PLAG1: variants seen among roughly 807,000 people sequenced by gnomAD.
PLAG1 encodes the protein PLAG1 zinc finger.
A neutral mutation model predicts 35.5 loss-of-function variants in PLAG1; 7 were observed. That is an observed-to-expected ratio of 0.20 (90% CI 0.11 to 0.37). PLAG1 has a LOEUF of 0.37. Among genes scored for constraint, PLAG1 ranks in the 10% least tolerant of loss-of-function variants. The pLI is 1.00. For synonymous variants in PLAG1, 229 were observed against 225.4 expected (o/e 1.02, Z -0.14); for missense variants, 454 against 602.8 (o/e 0.75, Z 2.58).
chr8:56,209,267 C>CA (rs762087565), intron 1 of PLAG1: 1 of 152,202 alleles, frequency 6.6e-6, no homozygotes, highest in Non-Finnish European at 1.5e-5. Context: ...GCTTCCAAAG[C>CA]AAAGCAATGT....
In PLAG1 at chr8:56,210,412, C is replaced by G. The variant is rs189871505; in HGVS notation, c.-322+709G>C. Among the ~76,000 whole-genome samples, 665 of 152,004 alleles carry G rather than the reference C, an allele frequency of 4.4e-3. 3 individuals are homozygous for G. Among genetic ancestry groups the G allele is most frequent in the Non-Finnish European group, 8.2e-3 (560 of 67,968 alleles). ...ATTTAGCACCCCCTCCCCCTACCCC[C>G]CCTCGCAGCCACACACCCCGGGCTC... is the stretch of plus-strand genomic sequence containing the variant. On this transcript the variant is annotated intron_variant, in intron 1 of 4. Transcript: ENST00000316981.
rs1472163494 is a variant in PLAG1, at chr8:56,161,366, AC to A, written c.*4876del. 1.9e-5 allele frequency: 4 copies of A among 215,166 alleles called. No homozygotes were observed. In the East Asian group the frequency reaches 2.8e-4, roughly 15 times the overall value. 13.3% of individuals were successfully genotyped at this position (215,166 alleles called of 1,614,324 possible). On this transcript the variant is annotated 3_prime_UTR_variant, in exon 5 of 5. Transcript: ENST00000316981. ...TTTATCATTAGAACATTTTTAGAGTACTAGTCCAAACACTTTTTCATTAGCT... is the reference window on the plus strand; with the variant it reads ...TTTATCATTAGAACATTTTTAGAGTATAGTCCAAACACTTTTTCATTAGCT...
At chr8:56,190,373 G>A (rs1585807407) in intron 1 of PLAG1, among the ~76,000 whole-genome samples, 1 of 152,318 alleles carries the variant, frequency 6.6e-6, no homozygotes, top group East Asian at 1.9e-4. Flanking sequence ...GGGAAAGCCA[G>A]GATGCTCTAA....
chr8:56,205,425 G>A (rs1463568584), intron 1 of PLAG1, among the ~76,000 whole-genome samples: 1 of 151,750 alleles, frequency 6.6e-6, no homozygotes, highest in Non-Finnish European at 1.5e-5. Flanking sequence ...GAGAAGGAAG[G>A]CAGGCTTTGG....
chr8:56,186,188 G>C (rs1292760685), intron 1 of PLAG1, among the ~76,000 whole-genome samples: 2 of 152,038 alleles, frequency 1.3e-5, no homozygotes, highest in East Asian at 3.9e-4. Flanking sequence ...AAAATTATTT[G>C]TATAATTGAC....
chr8:56,169,284 C>A (rs1811446775), intron 3 of PLAG1, among the ~76,000 whole-genome samples: 1 of 152,068 alleles, frequency 6.6e-6, no homozygotes, highest in Admixed American at 6.6e-5. Context: ...CACAACACAT[C>A]ATCAAAGAGG....
chr8:56,205,675 C>G (rs1203799873), intron 1 of PLAG1, among the ~76,000 whole-genome samples: 1 of 151,886 alleles, frequency 6.6e-6, no homozygotes, highest in Admixed American at 6.6e-5. Context: ...CTTATTGTTA[C>G]ATACTTTCAT....
chr8:56,194,622 G>A (rs1396762670), intron 1 of PLAG1, among the ~76,000 whole-genome samples: 1 of 151,406 alleles, frequency 6.6e-6, no homozygotes, highest in African/African-American at 2.4e-5. Flanking sequence ...TGTGTGTGTG[G>A]CGTGTGTGTG....
Position 56,163,834 on chromosome 8 carries a change from C to T in PLAG1, c.*2409G>A, listed in dbSNP as rs1396404314. The T allele has an allele frequency of 8.0e-5, 15 of 188,026 alleles. No homozygotes were observed. The East Asian group carries it at 1.3e-3, about 16-fold the overall frequency. 11.6% of individuals were successfully genotyped at this position (188,026 alleles called of 1,614,324 possible). ...ATGTCTCAGTTCACTAATTTGATGA[C>T]TTCTTAAGTACATTTTAAACAGAAT... On this transcript the variant is annotated 3_prime_UTR_variant, in exon 5 of 5. Coordinates refer to ENST00000316981, the MANE Select transcript of PLAG1 (RefSeq NM_002655.3).
chr8:56,162,220 C>T lies in PLAG1; in HGVS notation c.*4023G>A, dbSNP rs943383656. 5 of 228,972 alleles carry T rather than the reference C, an allele frequency of 2.2e-5. No homozygotes were observed. In the Admixed American group the frequency reaches 2.3e-4, roughly 10 times the overall value. 14.2% of individuals were successfully genotyped at this position (228,972 alleles called of 1,614,324 possible). A position where few individuals can be genotyped will look rare whatever the true frequency, so the allele number is the denominator to read the frequency against. On this transcript the variant is annotated 3_prime_UTR_variant, in exon 5 of 5. Transcript: ENST00000316981. ...ACATTTACCAGAACTAACAGCCAGC[C>T]ATTGCTAATGACGAATACTAAACAT...
At chr8:56,183,905 T>C (rs1397095177) in intron 1 of PLAG1, among the ~76,000 whole-genome samples, 1 of 152,174 alleles carries the variant, frequency 6.6e-6, no homozygotes, top group African/African-American at 2.4e-5. Context: ...AAAATTTCTG[T>C]GGCATTCATT....
intron 1 of PLAG1, among the ~76,000 whole-genome samples, chr8:56,190,209 G>C (rs1431574424): frequency 1.3e-5 from 2 of 152,210 alleles, no homozygotes. Flanking sequence ...GATTTGAAGA[G>C]CAGGGTAAGG....
chr8:56,209,878 G>C (rs1384410165), intron 1 of PLAG1, among the ~76,000 whole-genome samples: 1 of 152,092 alleles, frequency 6.6e-6, no homozygotes, highest in African/African-American at 2.4e-5. Flanking sequence ...AGCCGGAAAG[G>C]TTCATTCTTC....
intron 1 of PLAG1, among the ~76,000 whole-genome samples, chr8:56,182,085 A>G (rs1475940716): frequency 1.3e-5 from 2 of 152,218 alleles, no homozygotes. Context: ...AAAGTGCCCA[A>G]TGGGCTGGAC....
intron 1 of PLAG1, among the ~76,000 whole-genome samples, chr8:56,203,658 T>C (rs1403951936): frequency 3.3e-5 from 5 of 152,072 alleles, no homozygotes; most frequent in Non-Finnish European, 5.9e-5. Context: ...ACAGAAACTT[T>C]CCTTCTTGGA....
At position 56,168,202 on chromosome 8, in the gene PLAG1, C is replaced by A; in HGVS notation, c.68G>T (p.Arg23Leu). ...RDTQKVPSGKRKRGETKPRKN... is the reference protein window; with the variant it reads ...RDTQKVPSGKLKRGETKPRKN... Reference sequence around the variant, plus strand: ...TCTTGGTTTGGTTTCACCACGCTTACGTTTCCCTGAAGGGACTTTCTGGGT... The same window carrying A: ...TCTTGGTTTGGTTTCACCACGCTTAAGTTTCCCTGAAGGGACTTTCTGGGT... Residue 23 changes from arginine (R) to leucine (L), a missense_variant, in exon 4 of 5, where the codon CGT becomes CTT. Arg to Leu is a moderately radical substitution (Grantham distance 102). Around this residue, in one of 4 missense-constraint regions of PLAG1, gnomAD observed 170 missense variants for 226.3 expected, o/e 0.75. Coordinates refer to ENST00000316981, the MANE Select transcript of PLAG1 (RefSeq NM_002655.3). The A allele has an allele frequency of 4.3e-6, 7 of 1,613,848 alleles. No homozygotes were observed. The highest frequency in any genetic ancestry group is 5.9e-6 in the Non-Finnish European group (7 of 1,179,850).
chr8:56,199,478 G>C (rs1322152712), intron 1 of PLAG1, among the ~76,000 whole-genome samples: 1 of 152,274 alleles, frequency 6.6e-6, no homozygotes, highest in South Asian at 2.1e-4. Context: ...TGAGGGGAAA[G>C]GTACTTAGGG....
At chr8:56,180,570 G>C (rs112209132) in intron 1 of PLAG1, among the ~76,000 whole-genome samples, 21,327 of 152,162 alleles carry the variant, frequency 0.14, 1,765 homozygotes, top group Middle Eastern at 0.19. Context: ...GTATTGCCTA[G>C]GTTTTCTTCT....
intron 1 of PLAG1, among the ~76,000 whole-genome samples, chr8:56,186,031 G>A (rs1585801101): frequency 6.6e-6 from 1 of 151,478 alleles, no homozygotes; most frequent in African/African-American, 2.4e-5. Flanking sequence ...GGTAGAGGGA[G>A]TCACAAACTG....
Sources: gnomAD v4.1 joint callset for allele counts (sites outside exome capture counted in the v4.1 genomes callset) on GRCh38, gnomAD v4.1.1 for gene constraint, gnomAD v4.1.1 regional missense constraint, MANE v1.5 for transcripts, NCBI Gene and HGNC (gene_info 2026-07-23, HGNC 2026-07-21) for gene names.